Variants in FLNB observed in about 807,000 individuals in gnomAD.
The protein encoded by FLNB is filamin B.
A neutral mutation model predicts 250.6 loss-of-function variants in FLNB; 111 were observed. The ratio of observed to expected loss-of-function variants is 0.44; its 90% CI spans 0.38 to 0.52. The LOEUF (loss-of-function observed/expected upper bound fraction) is 0.52. FLNB is among the 20% of genes least tolerant of loss of function. The pLI is 0.00. For missense variants in FLNB, 2,869 were observed against 3,447.8 expected (o/e 0.83, Z 4.20); for synonymous variants, 1,302 against 1,372.1 (o/e 0.95, Z 1.13).
At chr3:58,153,909 A>C (rs775799721) in intron 39 of FLNB, among the ~76,000 whole-genome samples, 15 of 152,034 alleles carry the variant, frequency 9.9e-5, no homozygotes, top group Non-Finnish European at 2.2e-4. Flanking sequence ...CTAATTGGGG[A>C]GCAGAGTAAT....
chr3:58,070,343 C>T lies in FLNB; in HGVS notation c.293-6703C>T, dbSNP rs1237121514. On this transcript the variant is annotated intron_variant, in intron 1 of 45. Transcript: ENST00000295956. The stretch of plus-strand genomic sequence containing the variant: ...ACAGGCGTGAGCCACTGTGCCCGGC[C>T]GACACTTGGCATTCTCTAACCTACC... Among the ~76,000 whole-genome samples, 6 of 152,196 alleles carry T rather than the reference C, an allele frequency of 3.9e-5. No homozygotes were observed. In the East Asian group the frequency reaches 5.8e-4, roughly 15 times the overall value.
At chr3:58,147,781 C>T (rs985307910) in intron 34 of FLNB, among the ~76,000 whole-genome samples, 14 of 152,304 alleles carry the variant, frequency 9.2e-5, no homozygotes, top group South Asian at 2.1e-4. Flanking sequence ...CTGCCTCAGC[C>T]TCCTGAATAG....
At chr3:58,167,073 A>G (rs549902522) in intron 43 of FLNB, among the ~76,000 whole-genome samples, 1 of 152,306 alleles carries the variant, frequency 6.6e-6, no homozygotes, top group African/African-American at 2.4e-5. Flanking sequence ...GGTTGCAATA[A>G]GCCAAGATCA....
At position 58,149,900 on chromosome 3, in the gene FLNB, C is replaced by G; in HGVS notation, c.6142C>G (p.Gln2048Glu). The change falls in exon 37 of 46, where the codon CAG (glutamine) becomes GAG (glutamate). Residue 2048 changes from glutamine to glutamate, a missense_variant. Transcript: ENST00000295956. ...GGAAGGCCCCAGCAAAGTGGACATC[C>G]AGACGGAGGACCTGGAAGATGGCAC... ...AVEGPSKVDI[Q>E]TEDLEDGTCK... The G allele has an allele frequency of 2.5e-6, 4 of 1,614,248 alleles. No homozygotes were observed. The highest frequency in any genetic ancestry group is 3.4e-6 in the Non-Finnish European group (4 of 1,180,036).
At chr3:58,149,089 G>A in intron 36 of FLNB, 1 of 532,110 alleles carries the variant, frequency 1.9e-6, no homozygotes, top group Non-Finnish European at 3.4e-6. Context: ...TCTGCACTAG[G>A]ATCTGAACCC....
rs2097348448 is a variant in FLNB, at chr3:58,153,365, C to T, written c.6368-10C>T. On this transcript the variant is annotated splice_polypyrimidine_tract_variant and intron_variant, in intron 38 of 45. Coordinates refer to ENST00000295956, the MANE Select transcript of FLNB (RefSeq NM_001457.4). ...CCTCTTCTCTCCCCCAACCTCCCTC[C>T]CTCTTTCAGAAATCAACAGCAGTGA... The T allele has an allele frequency of 1.2e-6, 2 of 1,614,088 alleles. No homozygotes were observed. The highest frequency in any genetic ancestry group is 1.3e-5 in the African/African-American group (1 of 74,950).
intron 1 of FLNB, among the ~76,000 whole-genome samples, chr3:58,062,162 C>G (rs1451454579): frequency 6.6e-6 from 1 of 152,174 alleles, no homozygotes; most frequent in East Asian, 1.9e-4. Context: ...CTTCCACCAT[C>G]AGCTTCTTAG....
At chr3:58,035,425 C>T (rs1412906309) in intron 1 of FLNB, among the ~76,000 whole-genome samples, 1 of 152,184 alleles carries the variant, frequency 6.6e-6, no homozygotes, top group African/African-American at 2.4e-5. Flanking sequence ...TTGTGAGCCT[C>T]AGTCTGTAGA....
At position 58,049,977 on chromosome 3, in the gene FLNB, C is replaced by CA. The variant is rs1311628344; in HGVS notation, c.293-27065dup. ...AGGGTCTTCTGGATTTAGACACTCA[C>CA]AAAACTTCCTTTTACCTTGTTCATT... On this transcript the variant is annotated intron_variant, in intron 1 of 45. Transcript: ENST00000295956. Among the ~76,000 whole-genome samples the CA allele has an allele frequency of 1.0e-4, 15 of 150,734 alleles. 1 individual carries two copies. The highest frequency in any genetic ancestry group is 2.2e-4 in the Non-Finnish European group (15 of 67,760).
intron 1 of FLNB, among the ~76,000 whole-genome samples, chr3:58,060,354 T>C (rs2948179): frequency 0.33 from 29,583 of 89,870 alleles, 4,032 homozygotes; most frequent in East Asian, 0.71. Context: ...CTGTCTCTCT[T>C]TTTTTTTTTT....
chr3:58,055,205 G>A (rs1221916572), intron 1 of FLNB, among the ~76,000 whole-genome samples: 1 of 152,054 alleles, frequency 6.6e-6, no homozygotes. Context: ...GGCAGAGGTT[G>A]CAGTGAGCTG....
Position 58,138,297 on chromosome 3 carries a change from C to T in FLNB, c.4877C>T (p.Ser1626Phe). 6.2e-7 allele frequency: 1 copy of T among 1,614,114 alleles called. No individual in the cohort carries two copies. The highest frequency in any genetic ancestry group is 8.5e-7 in the Non-Finnish European group (1 of 1,180,052). Residue 1626 changes from serine to phenylalanine, a missense_variant, in exon 29 of 46, where the codon TCC becomes TTC. Ser to Phe is a radical substitution (Grantham distance 155). Coordinates refer to ENST00000295956, the MANE Select transcript of FLNB (RefSeq NM_001457.4). The part of the protein sequence containing the change: ...KCLATGPGIA[S>F]TVKTGEEVGF... ...TCTTCTCCAGGTCCTGGAATCGCCT[C>T]CACTGTGAAAACTGGCGAAGAAGTA...
chr3:58,137,450 T>G (rs924300954), intron 28 of FLNB, among the ~76,000 whole-genome samples: 1 of 152,240 alleles, frequency 6.6e-6, no homozygotes, highest in Non-Finnish European at 1.5e-5. Flanking sequence ...GCTGAATACT[T>G]GCCTTTTGGC....
chr3:58,102,365 C>T (rs543858829), intron 9 of FLNB, 25 bp downstream of exon 9: 2 of 1,613,796 alleles, frequency 1.2e-6, no homozygotes, highest in African/African-American at 2.7e-5. Flanking sequence ...GTTTCTCTAT[C>T]TCAGGTGTGG....
intron 1 of FLNB, among the ~76,000 whole-genome samples, chr3:58,056,105 ATTT>A (rs781244971): frequency 7.8e-6 from 1 of 128,730 alleles, no homozygotes; most frequent in African/African-American, 3.9e-5. Flanking sequence ...TTATTTATTT[ATTT>A]TTTTTTTTTT....
intron 4 of FLNB, among the ~76,000 whole-genome samples, chr3:58,083,257 TA>T (rs1198784713): frequency 7.3e-6 from 1 of 136,838 alleles, no homozygotes. Flanking sequence ...TTTTTTTTTT[TA>T]AATGACACTG....
chr3:58,168,673 C>T lies in FLNB; in HGVS notation c.7417+15C>T, dbSNP rs746267240. 3 of 1,576,712 alleles carry T rather than the reference C, an allele frequency of 1.9e-6. No individual in the cohort carries two copies. Among genetic ancestry groups the T allele is most frequent in the South Asian group, 1.1e-5 (1 of 90,228 alleles). On this transcript the variant is annotated intron_variant, in intron 44 of 45. Coordinates refer to ENST00000295956, the MANE Select transcript of FLNB (RefSeq NM_001457.4). ...CAAGGTGACAGGTAACGAACAACCA[C>T]CTTCGGAGTTACTCTCCCTTCCTGG...
intron 1 of FLNB, among the ~76,000 whole-genome samples, chr3:58,036,684 T>G (rs2097138560): frequency 6.6e-6 from 1 of 152,212 alleles, no homozygotes. Flanking sequence ...TGTAGCTAAT[T>G]TGTTAGTCCT....
chr3:58,106,477 A>ATAT (rs1559696947), intron 11 of FLNB, among the ~76,000 whole-genome samples: 1 of 149,522 alleles, frequency 6.7e-6, no homozygotes, highest in Non-Finnish European at 1.5e-5. Context: ...TTTGAAAAAA[A>ATAT]AAAAATATAT....
Sources: allele counts gnomAD v4.1 joint callset (sites outside exome capture counted in the v4.1 genomes callset), GRCh38; gene constraint gnomAD v4.1.1; transcripts MANE v1.5; gene names NCBI Gene and HGNC (gene_info 2026-07-23, HGNC 2026-07-21).